The following RBFOX1 variants were observed in gnomAD, a reference collection of about 807,000 sequenced individuals.
RBFOX1 encodes RNA binding fox-1 homolog 1, also known as RNA binding protein fox-1 homolog 1.
A neutral mutation model predicts 57.7 loss-of-function variants in RBFOX1; 8 were observed. The observed-to-expected ratio is 0.14, with a 90% CI of 0.08 to 0.25. The LOEUF is 0.25. Ranked by LOEUF, RBFOX1 falls within the 10% of genes least tolerant of loss-of-function variation. RBFOX1 has a pLI of 1.00. For missense variants in RBFOX1, 611 were observed against 548.5 expected, an observed-to-expected ratio of 1.11 and a Z score of -1.14; for synonymous variants, 326 against 222.4, an observed-to-expected ratio of 1.47 and a Z score of -4.15.
intron 1 of RBFOX1, among the ~76,000 whole-genome samples, chr16:6,129,475 G>C (rs1227605276): frequency 6.6e-6 from 1 of 152,050 alleles, no homozygotes; most frequent in Non-Finnish European, 1.5e-5. Context: ...TCAATCTGAA[G>C]AATACAAAAG....
intron 2 of RBFOX1, among the ~76,000 whole-genome samples, chr16:6,531,490 G>A (rs757556091): frequency 3.3e-5 from 5 of 152,170 alleles, no homozygotes; most frequent in African/African-American, 4.8e-5. Flanking sequence ...TCTCATGAAC[G>A]TGGGAAAATG....
At chr16:5,822,354 T>C (rs1030022814) in intron 3 of RBFOX1, among the ~76,000 whole-genome samples, 1 of 152,148 alleles carries the variant, frequency 6.6e-6, no homozygotes, top group African/African-American at 2.4e-5. Flanking sequence ...GTGGTGGGTG[T>C]GGCAGGTTCT....
At chr16:6,972,401 C>T (rs547660694) in intron 3 of RBFOX1, among the ~76,000 whole-genome samples, 2 of 151,998 alleles carry the variant, frequency 1.3e-5, no homozygotes, top group African/African-American at 2.4e-5. Context: ...CAGGGTTCAT[C>T]CATGGTGTAG....
At chr16:6,274,199 G>A (rs914381612) in intron 1 of RBFOX1, among the ~76,000 whole-genome samples, 1 of 152,118 alleles carries the variant, frequency 6.6e-6, no homozygotes, top group Non-Finnish European at 1.5e-5. Context: ...TGCCTTCCTG[G>A]GCATTTATTC....
intron 3 of RBFOX1, among the ~76,000 whole-genome samples, chr16:6,816,721 C>T (rs1221401870): frequency 1.6e-5 from 2 of 126,652 alleles, no homozygotes; most frequent in African/African-American, 5.9e-5. Flanking sequence ...GCCTGGGTGA[C>T]AGAGCAAGAC....
intron 3 of RBFOX1, among the ~76,000 whole-genome samples, chr16:5,731,228 C>G (rs971157627): frequency 2.6e-5 from 4 of 152,122 alleles, no homozygotes; most frequent in African/African-American, 4.8e-5. Flanking sequence ...ACAACACTAT[C>G]ATTGTCATCA....
intron 4 of RBFOX1, among the ~76,000 whole-genome samples, chr16:7,440,103 C>A (rs918557483): frequency 6.6e-6 from 1 of 151,972 alleles, no homozygotes; most frequent in South Asian, 2.1e-4. Context: ...GCCGTGTCGC[C>A]TAGGCTGGTC....
intron 3 of RBFOX1, among the ~76,000 whole-genome samples, chr16:6,832,253 G>T (rs1351502919): frequency 6.6e-6 from 1 of 152,154 alleles, no homozygotes; most frequent in African/African-American, 2.4e-5. Context: ...AACACAGTGG[G>T]ATTTATCTTG....
chr16:7,466,620 CA>C (rs753420909), intron 4 of RBFOX1, among the ~76,000 whole-genome samples: 1 of 152,206 alleles, frequency 6.6e-6, no homozygotes, highest in Non-Finnish European at 1.5e-5. Context: ...GCTCTGCACT[CA>C]CTAGCTGTGT....
chr16:6,826,734 C>T (rs1171447716), intron 3 of RBFOX1, among the ~76,000 whole-genome samples: 1 of 152,086 alleles, frequency 6.6e-6, no homozygotes, highest in South Asian at 2.1e-4. Context: ...ACGCTCATTT[C>T]TCTTTAATAA....
rs139591779 is a variant in RBFOX1, at chr16:6,861,372, A to G, written c.-15-190685A>G. Among the ~76,000 whole-genome samples the G allele has an allele frequency of 4.6e-5, 7 of 152,258 alleles. No homozygotes were observed. In the South Asian group the frequency reaches 8.3e-4, roughly 18 times the overall value. ...TAAAGAGATGCAGTACCCTCAATCTACAAGACAAAAGATGGACCAGTCAAG... is the reference window on the plus strand; with the variant it reads ...TAAAGAGATGCAGTACCCTCAATCTGCAAGACAAAAGATGGACCAGTCAAG... On this transcript the variant is annotated intron_variant, in intron 3 of 15. Transcript: ENST00000550418.
intron 1 of RBFOX1, among the ~76,000 whole-genome samples, chr16:5,451,900 C>G (rs2068436355): frequency 6.6e-6 from 1 of 152,164 alleles, no homozygotes; most frequent in Admixed American, 6.5e-5. Flanking sequence ...TACCTACCTT[C>G]CCTACCTCTG....
intron 1 of RBFOX1, among the ~76,000 whole-genome samples, chr16:6,146,259 TAGGAATCCACGC>T (rs1177698601): frequency 3.3e-5 from 5 of 152,206 alleles, no homozygotes; most frequent in Non-Finnish European, 1.5e-5. Flanking sequence ...TCACAGCAGA[TAGGAATCCACGC>T]TTCTTTTTAA....
intron 3 of RBFOX1, among the ~76,000 whole-genome samples, chr16:6,960,785 G>A (rs1461220118): frequency 6.6e-6 from 1 of 151,828 alleles, no homozygotes; most frequent in Non-Finnish European, 1.5e-5. Flanking sequence ...TCATATCCCT[G>A]ACTGTAGGGA....
chr16:5,300,686 C>G (rs2063782029), intron 1 of RBFOX1, among the ~76,000 whole-genome samples: 1 of 152,080 alleles, frequency 6.6e-6, no homozygotes, highest in South Asian at 2.1e-4. Context: ...CATATGATAA[C>G]TGTAAAACTT....
intron 2 of RBFOX1, among the ~76,000 whole-genome samples, chr16:5,577,033 C>A (rs909047041): frequency 2.0e-5 from 3 of 152,214 alleles, no homozygotes; most frequent in African/African-American, 7.2e-5. Context: ...GCTCCTCTCT[C>A]CCCAATTTCC....
intron 4 of RBFOX1, among the ~76,000 whole-genome samples, chr16:6,000,214 A>T (rs1423177370): frequency 6.6e-6 from 1 of 152,150 alleles, no homozygotes; most frequent in Admixed American, 6.5e-5. Flanking sequence ...ACAAGATCCC[A>T]TGCCCCCCTG....
chr16:6,394,625 GTA>G (rs1401124463), intron 2 of RBFOX1, among the ~76,000 whole-genome samples: 3 of 151,228 alleles, frequency 2.0e-5, no homozygotes, highest in Non-Finnish European at 4.4e-5. Context: ...AAACAACTAG[GTA>G]TCTAATATAT....
intron 2 of RBFOX1, among the ~76,000 whole-genome samples, chr16:5,583,759 C>T (rs2046748158): frequency 6.6e-6 from 1 of 152,230 alleles, no homozygotes; most frequent in Non-Finnish European, 1.5e-5. Flanking sequence ...GGCTGTTAGC[C>T]CCATCTTATA....
Sources: gnomAD v4.1 joint callset for allele counts (sites outside exome capture counted in the v4.1 genomes callset) on GRCh38, gnomAD v4.1.1 for gene constraint, MANE v1.5 for transcripts, NCBI Gene and HGNC (gene_info 2026-07-23, HGNC 2026-07-21) for gene names.